THADA: variants seen among roughly 807,000 people sequenced by gnomAD.
THADA encodes the protein THADA armadillo repeat containing.
A neutral mutation model predicts 219.8 loss-of-function variants in THADA; 213 were observed. The observed-to-expected ratio is 0.97, with a 90% confidence interval of 0.87 to 1.09. THADA has a LOEUF of 1.09. Among genes scored for constraint, THADA ranks in the 50% least tolerant of loss-of-function variants. The pLI is 0.00. For synonymous variants in THADA, 1,018 were observed against 828.9 expected (o/e 1.23, Z -3.92); for missense variants, 2,956 against 2,311.3 (o/e 1.28, Z -5.72).
chr2:43,442,725 C>G (rs1022076597), intron 26 of THADA, among the ~76,000 whole-genome samples: 1 of 152,050 alleles, frequency 6.6e-6, no homozygotes, highest in Non-Finnish European at 1.5e-5. Context: ...AGAGTAGAAA[C>G]ATGGTGACCC....
intron 22 of THADA, among the ~76,000 whole-genome samples, chr2:43,510,091 T>C (rs1449058855): frequency 1.3e-5 from 2 of 152,226 alleles, no homozygotes; most frequent in African/African-American, 4.8e-5. Context: ...AGGAAATTTA[T>C]ATACGTACTA....
chr2:43,275,107 C>T (rs974191702), intron 36 of THADA, among the ~76,000 whole-genome samples: 3 of 150,006 alleles, frequency 2.0e-5, no homozygotes, highest in African/African-American at 7.4e-5. Context: ...GAGGTTCAAG[C>T]AATTCTCCTG....
intron 24 of THADA, among the ~76,000 whole-genome samples, chr2:43,501,149 T>TA (rs1050354924): frequency 5.3e-5 from 8 of 150,760 alleles, no homozygotes; most frequent in Admixed American, 5.3e-4. Context: ...CTACTAAAAA[T>TA]AAAAAAATTA....
Position 43,398,000 on chromosome 2 carries a change from G to C in THADA, c.4198C>G (p.Gln1400Glu), listed in dbSNP as rs1674293727. The change falls in exon 29 of 38, where the codon CAA becomes GAA. Residue 1400 changes from glutamine to glutamate, a missense_variant. Physicochemically the swap from Gln to Glu is conservative, Grantham distance 29. Coordinates refer to ENST00000405975, the MANE Select transcript of THADA (RefSeq NM_022065.5). ...LPSCTDQCFRQNHIHGTLLQV... is the reference protein window; with the variant it reads ...LPSCTDQCFRENHIHGTLLQV... Reference sequence around the variant, plus strand: ...AGAAGTGTCCCATGAATGTGGTTTTGCCGGAAACACTGGTCAGTGCAGCTG... The same window carrying C: ...AGAAGTGTCCCATGAATGTGGTTTTCCCGGAAACACTGGTCAGTGCAGCTG... 1 of 1,613,926 alleles carries C rather than the reference G, an allele frequency of 6.2e-7. No individual in the cohort carries two copies. The highest frequency in any genetic ancestry group is 8.5e-7 in the Non-Finnish European group (1 of 1,179,826).
chr2:43,269,680 G>C (rs1040725354), intron 36 of THADA, among the ~76,000 whole-genome samples: 2 of 152,174 alleles, frequency 1.3e-5, no homozygotes, highest in Non-Finnish European at 2.9e-5. Context: ...TATTTTGAAG[G>C]AATAAATAAG....
At chr2:43,345,901 C>T (rs1423219544) in intron 29 of THADA, among the ~76,000 whole-genome samples, 1 of 152,172 alleles carries the variant, frequency 6.6e-6, no homozygotes, top group Non-Finnish European at 1.5e-5. Flanking sequence ...AAACTTAGTC[C>T]TATATTTGCT....
rs1244957614 is a variant in THADA at position 43,560,268 on chromosome 2, A to G, written c.2429T>C (p.Leu810Pro). The G allele has an allele frequency of 6.2e-7, 1 of 1,612,586 alleles. No individual in the cohort carries two copies. Among genetic ancestry groups the G allele is most frequent in the East Asian group, 2.2e-5 (1 of 44,774 alleles). ...EDVKILAFDL[L>P]MKLSKTAVHF... is the part of the protein sequence containing the mutation. ...TACAGCTGTTTTTGATAACTTCATC[A>G]GAAGATCAAATGCTAAAATTTTCAC... The change falls in exon 16 of 38, where the codon CTG becomes CCG. Residue 810 changes from leucine (L) to proline (P), a missense_variant. Physicochemically the swap from Leu to Pro is moderately conservative, Grantham distance 98. Transcript: ENST00000405975.
At chr2:43,258,559 T>A (rs1670580073) in intron 36 of THADA, among the ~76,000 whole-genome samples, 1 of 152,058 alleles carries the variant, frequency 6.6e-6, no homozygotes, top group South Asian at 2.1e-4. Flanking sequence ...AAAATAAAAA[T>A]TATTTGTTAT....
intron 31 of THADA, among the ~76,000 whole-genome samples, chr2:43,301,805 TAC>T (rs1484570721): frequency 6.6e-6 from 1 of 152,192 alleles, no homozygotes; most frequent in Non-Finnish European, 1.5e-5. Flanking sequence ...GTTTTAGTGG[TAC>T]AGTCTGTTTC....
chr2:43,577,006 T>C lies in THADA; in HGVS notation c.1037+16A>G, dbSNP rs1015109411. The stretch of plus-strand genomic sequence containing the variant: ...ACAAGTGAAACAAAATATGAGACGA[T>C]AGCATCAAAACTCACTGTGAACTCA... On this transcript the variant is annotated intron_variant, in intron 10 of 37. Transcript: ENST00000405975. The C allele has an allele frequency of 1.2e-6, 2 of 1,602,862 alleles. No homozygotes were observed. The highest frequency in any genetic ancestry group is 1.7e-5 in the Admixed American group (1 of 58,866).
chr2:43,382,307 T>C (rs1221506228), intron 29 of THADA, among the ~76,000 whole-genome samples: 1 of 152,186 alleles, frequency 6.6e-6, no homozygotes, highest in African/African-American at 2.4e-5. Context: ...ATAGTAACAA[T>C]AGGAGAAACT....
At chr2:43,381,097 CAAAAAAAAAAAAA>C (rs58711910) in intron 29 of THADA, among the ~76,000 whole-genome samples, 1 of 54,400 alleles carries the variant, frequency 1.8e-5, no homozygotes, top group Admixed American at 2.5e-4. Context: ...GAGACTTTGT[CAAAAAAAAAAAAA>C]AAAAAAAAAA....
chr2:43,544,120 A>C (rs532227925), intron 20 of THADA, among the ~76,000 whole-genome samples: 155 of 152,304 alleles, frequency 1.0e-3, no homozygotes, highest in Non-Finnish European at 1.9e-3. Flanking sequence ...ACCATTTATT[A>C]AATAGGGAAT....
chr2:43,277,612 CAG>C (rs1452663142), intron 36 of THADA, among the ~76,000 whole-genome samples: 2 of 152,048 alleles, frequency 1.3e-5, no homozygotes, highest in Non-Finnish European at 2.9e-5. Context: ...TGGGAGATCT[CAG>C]AGGTGTGGAG....
Position 43,545,889 on chromosome 2 carries a change from C to T in THADA, c.3106+3321G>A, listed in dbSNP as rs1364845734. On this transcript the variant is annotated intron_variant, in intron 20 of 37. Coordinates refer to ENST00000405975, the MANE Select transcript of THADA (RefSeq NM_022065.5). The stretch of plus-strand genomic sequence containing the variant: ...TGTATTTCCTTCAGTTCTGCTCTGA[C>T]TTTAGTTATTTCTTGCCTTCTGCTA... 6.6e-5 allele frequency among the ~76,000 whole-genome samples: 10 copies of T among 152,176 alleles called. No individual in the cohort carries two copies. The East Asian group carries it at 1.7e-3, about 26-fold the overall frequency.
intron 34 of THADA, among the ~76,000 whole-genome samples, chr2:43,289,970 G>GT (rs1674496382): frequency 4.2e-5 from 4 of 95,716 alleles, no homozygotes; most frequent in South Asian, 7.6e-4. Flanking sequence ...TTTTTTTTTT[G>GT]TTTTTGTTTT....
intron 36 of THADA, among the ~76,000 whole-genome samples, chr2:43,267,351 G>A (rs1047227233): frequency 6.6e-6 from 1 of 152,220 alleles, no homozygotes; most frequent in Non-Finnish European, 1.5e-5. Context: ...TCATCCCTGT[G>A]TCCCCAGATG....
At chr2:43,272,544 T>A (rs1002817709) in intron 36 of THADA, among the ~76,000 whole-genome samples, 1 of 151,554 alleles carries the variant, frequency 6.6e-6, no homozygotes, top group Admixed American at 6.6e-5. Flanking sequence ...CATACTTAAA[T>A]AGTAAGAAAA....
chr2:43,373,002 G>A (rs544351027), intron 29 of THADA, among the ~76,000 whole-genome samples: 2 of 151,936 alleles, frequency 1.3e-5, no homozygotes, highest in Non-Finnish European at 2.9e-5. Flanking sequence ...AGTCTAGTAA[G>A]TATTTAAACT....
Sources: allele counts gnomAD v4.1 joint callset (sites outside exome capture counted in the v4.1 genomes callset), GRCh38; gene constraint gnomAD v4.1.1; transcripts MANE v1.5; gene names NCBI Gene and HGNC (gene_info 2026-07-23, HGNC 2026-07-21).